ODF2L: variants seen among roughly 807,000 people sequenced by gnomAD.
The protein encoded by ODF2L is protein BCAP.
Under a neutral mutation model 86.3 loss-of-function variants are expected in ODF2L, and 76 were observed. The ratio of observed to expected loss-of-function variants is 0.88; its 90% CI spans 0.73 to 1.07. The LOEUF (loss-of-function observed/expected upper bound fraction) is 1.07, where lower values mean the gene tolerates loss of function less well. Among genes scored for constraint, ODF2L ranks in the 50% least tolerant of loss-of-function variants. The pLI, the probability that ODF2L is intolerant of heterozygous loss-of-function variation, is 0.00. For missense variants in ODF2L, 748 were observed against 717.4 expected (o/e 1.04, Z -0.49); for synonymous variants, 241 against 231.3 (o/e 1.04, Z -0.38).
chr1:86,353,022 C>G, intron 16 of ODF2L, 38 bp from the exon 16 acceptor site: 1 of 1,323,608 alleles, frequency 7.6e-7, no homozygotes, highest in South Asian at 1.3e-5. Context: ...AAAGTGCTTT[C>G]TTTAAAATAT....
intron 13 of ODF2L, chr1:86,357,830 C>G: frequency 1.0e-6 from 1 of 985,146 alleles, no homozygotes; most frequent in Non-Finnish European, 1.2e-6. Flanking sequence ...AGGCTCCAAC[C>G]CTTTCCGTCA....
At chr1:86,392,010 C>T (rs974299786) in intron 1 of ODF2L, among the ~76,000 whole-genome samples, 4 of 151,840 alleles carry the variant, frequency 2.6e-5, no homozygotes, top group African/African-American at 9.7e-5. Context: ...AAAAAAAATC[C>T]CATCAAAAAG....
chr1:86,367,887 T>C (rs1261679764), intron 11 of ODF2L, among the ~76,000 whole-genome samples: 4 of 152,228 alleles, frequency 2.6e-5, no homozygotes, highest in Non-Finnish European at 5.9e-5. Context: ...ATCTGTCCTA[T>C]GTTTCACATT....
At chr1:86,359,384 C>T (rs1429444067) in intron 12 of ODF2L, among the ~76,000 whole-genome samples, 1 of 152,166 alleles carries the variant, frequency 6.6e-6, no homozygotes, top group Non-Finnish European at 1.5e-5. Flanking sequence ...AACCTCCATT[C>T]CTACCTCAGA....
intron 3 of ODF2L, 41 bp from the exon 4 acceptor site, chr1:86,384,842 G>A (rs1399409200): frequency 7.1e-7 from 1 of 1,418,126 alleles, no homozygotes; most frequent in Non-Finnish European, 9.3e-7. Context: ...TTAAGACACA[G>A]CATTAAATAA....
chr1:86,368,432 T>G (rs2100988970), intron 11 of ODF2L, among the ~76,000 whole-genome samples: 1 of 152,226 alleles, frequency 6.6e-6, no homozygotes, highest in East Asian at 1.9e-4. Context: ...TAATATATAA[T>G]TTACAGATAT....
At chr1:86,387,077 A>G (rs1421826332) in exon 2 of ODF2L, 1 of 794,420 alleles carries the variant, frequency 1.3e-6, no homozygotes, top group South Asian at 1.9e-5. Flanking sequence ...TTCTCCACAT[A>G]AGCTGAAAGC....
chr1:86,396,062 T>G (rs1337429882), exon 1 of ODF2L: 1 of 152,320 alleles, frequency 6.6e-6, no homozygotes, highest in Non-Finnish European at 1.5e-5. Context: ...CACGTCGTCG[T>G]GACGACAGCC....
At chr1:86,353,769 C>A (rs549992193) in intron 16 of ODF2L, among the ~76,000 whole-genome samples, 1 of 152,264 alleles carries the variant, frequency 6.6e-6, no homozygotes, top group South Asian at 2.1e-4. Flanking sequence ...TGAGCTGAAG[C>A]TATGGGAGAA....
chr1:86,362,671 T>C (rs1367945498), intron 11 of ODF2L, among the ~76,000 whole-genome samples: 1 of 152,040 alleles, frequency 6.6e-6, no homozygotes, highest in East Asian at 1.9e-4. Flanking sequence ...TTTCTTTTCT[T>C]TTCTTTTTGA....
rs767844981 is a variant in ODF2L, at chr1:86,382,238, T to A, written c.624+4A>T. ...ATAAAAATGGATATATATTTATATA[T>A]AACCTTTACATATTCTTTCAACTTA... On this transcript the variant is annotated splice_donor_region_variant and intron_variant, in intron 7 of 17. Transcript: ENST00000317336. The A allele has an allele frequency of 1.2e-6, 2 of 1,601,112 alleles. No homozygotes were observed. Among genetic ancestry groups the A allele is most frequent in the South Asian group, 1.1e-5 (1 of 88,084 alleles).
chr1:86,357,011 T>G (rs1658623781), intron 13 of ODF2L, among the ~76,000 whole-genome samples: 2 of 152,222 alleles, frequency 1.3e-5, no homozygotes, highest in Non-Finnish European at 2.9e-5. Flanking sequence ...ACTCAGATAC[T>G]TACTTAAATT....
intron 1 of ODF2L, among the ~76,000 whole-genome samples, chr1:86,395,126 A>G (rs1310933194): frequency 1.3e-5 from 2 of 152,144 alleles, no homozygotes; most frequent in African/African-American, 4.8e-5. Context: ...TACAGGCGTG[A>G]GCCACCGCGC....
chr1:86,395,692 G>A (rs1285154019), intron 1 of ODF2L, among the ~76,000 whole-genome samples: 1 of 152,154 alleles, frequency 6.6e-6, no homozygotes, highest in Non-Finnish European at 1.5e-5. Flanking sequence ...CCAGCCCAAT[G>A]ATTAAGAGGT....
At chr1:86,372,310 C>T in intron 9 of ODF2L, 121 bp downstream of exon 9, 1 of 411,932 alleles carries the variant, frequency 2.4e-6, no homozygotes, top group Non-Finnish European at 4.3e-6. Context: ...AATATCAAAT[C>T]ATATAGGTAG....
Position 86,354,876 on chromosome 1 carries a change from A to G in ODF2L, c.1519-17T>C, listed in dbSNP as rs1170390688. On this transcript the variant is annotated splice_polypyrimidine_tract_variant and intron_variant, in intron 14 of 17. Coordinates refer to ENST00000317336, the Ensembl canonical transcript of ODF2L. ...TCCATCAACCTAAAAGAAAAAAAAAAGTTTTCTTAGTCATTTTCTTCACAA... is the reference window on the plus strand; with the variant it reads ...TCCATCAACCTAAAAGAAAAAAAAAGGTTTTCTTAGTCATTTTCTTCACAA... 7.1e-7 allele frequency: 1 copy of G among 1,409,516 alleles called. No individual in the cohort carries two copies. Among genetic ancestry groups the G allele is most frequent in the Admixed American group, 2.0e-5 (1 of 51,126 alleles). 87.3% of individuals were successfully genotyped at this position (1,409,516 alleles called of 1,614,324 possible). A position where few individuals can be genotyped will look rare whatever the true frequency, so the allele number is the denominator to read the frequency against.
chr1:86,363,928 A>G (rs1354589469), intron 11 of ODF2L, among the ~76,000 whole-genome samples: 2 of 152,130 alleles, frequency 1.3e-5, no homozygotes, highest in African/African-American at 4.8e-5. Flanking sequence ...ACTATTCTAA[A>G]GTAATTAAAA....
intron 3 of ODF2L, among the ~76,000 whole-genome samples, 188 bp downstream of exon 3, chr1:86,385,270 T>C (rs1322263968): frequency 2.0e-5 from 3 of 152,058 alleles, no homozygotes; most frequent in Admixed American, 1.3e-4. Context: ...ATCAGGTGTA[T>C]GCTGAGATTA....
chr1:86,347,583 T>C (rs1007895358), downstream of ODF2L: 7 of 152,166 alleles, frequency 4.6e-5, no homozygotes, highest in African/African-American at 1.2e-4. Flanking sequence ...AAAGTAAGCA[T>C]CTGTGAATGA....
Sources: allele counts gnomAD v4.1 joint callset (sites outside exome capture counted in the v4.1 genomes callset), GRCh38; gene constraint gnomAD v4.1.1; transcripts MANE v1.5; gene names NCBI Gene and HGNC (gene_info 2026-07-23, HGNC 2026-07-21).